The following PPHLN1 variants were observed in gnomAD, a reference collection of about 807,000 sequenced individuals.
PPHLN1 encodes the protein periphilin-1.
Under a neutral mutation model 51.3 loss-of-function variants are expected in PPHLN1, and 29 were observed. That is an observed-to-expected ratio of 0.57 (90% CI 0.42 to 0.77). The LOEUF (loss-of-function observed/expected upper bound fraction) is 0.77, where lower values mean the gene tolerates loss of function less well. Among genes scored for constraint, PPHLN1 ranks in the 30% least tolerant of loss-of-function variants. The probability of loss-of-function intolerance (pLI) is 0.00; values close to 1 mark genes in which losing one functional copy is unlikely to be tolerated. For synonymous variants in PPHLN1, 147 were observed against 147.8 expected (o/e 0.99, Z 0.04); for missense variants, 436 against 438.4 (o/e 0.99, Z 0.05).
intron 5 of PPHLN1, among the ~76,000 whole-genome samples, chr12:42,381,365 T>G (rs927226119): frequency 6.6e-6 from 1 of 152,218 alleles, no homozygotes; most frequent in Admixed American, 6.5e-5. Context: ...ACTTAGTATA[T>G]TCTGTCAGTA....
chr12:42,338,784 C>T (rs1010643048), intron 2 of PPHLN1, among the ~76,000 whole-genome samples: 14 of 152,064 alleles, frequency 9.2e-5, no homozygotes, highest in Admixed American at 7.9e-4. Flanking sequence ...GTATGGGCCC[C>T]GTCTTAGATA....
At chr12:42,351,068 C>G (rs1201608945) in intron 2 of PPHLN1, among the ~76,000 whole-genome samples, 1 of 151,682 alleles carries the variant, frequency 6.6e-6, no homozygotes, top group Non-Finnish European at 1.5e-5. Flanking sequence ...TCATATTGAT[C>G]TTATGTTATA....
In PPHLN1 at chr12:42,335,997, A is replaced by G. The variant is rs751398967; in HGVS notation, c.72+23A>G. 2.7e-5 allele frequency: 39 copies of G among 1,458,380 alleles called. No individual in the cohort carries two copies. The South Asian group carries it at 5.0e-4, about 19-fold the overall frequency. 90.3% of individuals were successfully genotyped at this position (1,458,380 alleles called of 1,614,324 possible). ...AGTGTAAGTTACTCCTACATATTGA[A>G]TGATTCAAAAACCTGGTGTCTGAAT... is the stretch of plus-strand genomic sequence containing the variant. On this transcript the variant is annotated intron_variant, in intron 2 of 9. Transcript: ENST00000358314.
rs17091132 is a variant in PPHLN1 at position 42,377,758 on chromosome 12, A to G, written c.511+2684A>G. Among the ~76,000 whole-genome samples the G allele has an allele frequency of 7.5e-3, 1,137 of 151,938 alleles. 38 individuals carry two copies. The East Asian group carries it at 0.11, about 14-fold the overall frequency. ...TGAGGTTCTTACTTGAAAGCTTGTA[A>G]TGAAGTTATTAAAGATAGTTATTAG... On this transcript the variant is annotated intron_variant, in intron 5 of 9. Transcript: ENST00000358314.
In PPHLN1 at chr12:42,402,950, T is replaced by A. The variant is rs372008533; in HGVS notation, c.909+3956T>A. Among the ~76,000 whole-genome samples the A allele has an allele frequency of 1.8e-4, 27 of 152,336 alleles. No homozygotes were observed. The East Asian group carries it at 3.9e-3, about 22-fold the overall frequency. The stretch of plus-strand genomic sequence containing the variant: ...CTCTTGCTGTTTCTCATATATAATC[T>A]GTTTTTGTTTTACATTTAAAGAGGC... On this transcript the variant is annotated intron_variant, in intron 9 of 9. Coordinates refer to ENST00000358314, the MANE Select transcript of PPHLN1 (RefSeq NM_201439.2).
At chr12:42,347,598 G>A (rs1056846803) in intron 2 of PPHLN1, among the ~76,000 whole-genome samples, 6 of 152,144 alleles carry the variant, frequency 3.9e-5, no homozygotes, top group Admixed American at 6.6e-5. Flanking sequence ...TGACCAGTAC[G>A]GTGAAATCCT....
At position 42,383,359 on chromosome 12, in the gene PPHLN1, G is replaced by C. The variant is rs145585628; in HGVS notation, c.512-1581G>C. Reference sequence around the variant, plus strand: ...CACTCTCAGGAGCTAATATGAATTGGCCTAAGGCTCCAGTAGCTTTCTCTG... The same window carrying C: ...CACTCTCAGGAGCTAATATGAATTGCCCTAAGGCTCCAGTAGCTTTCTCTG... On this transcript the variant is annotated intron_variant, in intron 5 of 9. Transcript: ENST00000358314. Among the ~76,000 whole-genome samples the C allele has an allele frequency of 1.7e-4, 26 of 152,268 alleles. No individual in the cohort carries two copies. The East Asian group carries it at 4.0e-3, about 24-fold the overall frequency.
intron 4 of PPHLN1, among the ~76,000 whole-genome samples, chr12:42,372,631 C>A (rs1003102916): frequency 6.6e-6 from 1 of 152,078 alleles, no homozygotes; most frequent in Non-Finnish European, 1.5e-5. Flanking sequence ...GTTTTTTTAG[C>A]CCCACGTTCT....
chr12:42,437,134 C>A (rs751269192), intron 9 of PPHLN1, among the ~76,000 whole-genome samples: 3 of 152,228 alleles, frequency 2.0e-5, no homozygotes, highest in Admixed American at 1.3e-4. Context: ...GATGTCTAAG[C>A]TCCTTGAAGG....
chr12:42,428,816 ACTT>A lies in PPHLN1; in HGVS notation c.910-12495_910-12493del, dbSNP rs774943286. On this transcript the variant is annotated intron_variant, in intron 9 of 9. Transcript: ENST00000358314. ...AAAAAAAATGAAGTTTGCCTTTTTA[ACTT>A]CTTTTTTTTTTTTTTTTTAACTTAA... Among the ~76,000 whole-genome samples the A allele has an allele frequency of 6.6e-3, 907 of 136,484 alleles. 6 individuals are homozygous for A. The highest frequency in any genetic ancestry group is 7.2e-3 in the Admixed American group (96 of 13,252). 89.5% of individuals were successfully genotyped at this position (136,484 alleles called of 152,430 possible).
chr12:42,352,143 G>A, intron 3 of PPHLN1, 94 bp downstream of exon 3: 1 of 1,118,580 alleles, frequency 8.9e-7, no homozygotes, highest in Non-Finnish European at 1.2e-6. Context: ...GAAAGCAGTT[G>A]AATAAACACT....
chr12:42,331,936 C>T (rs2069806942), intron 1 of PPHLN1: 1 of 152,206 alleles, frequency 6.6e-6, no homozygotes, highest in Non-Finnish European at 1.5e-5. Flanking sequence ...ATATCATAAA[C>T]AACATATGCC....
At chr12:42,391,637 A>AG (rs2077723363) in intron 7 of PPHLN1, among the ~76,000 whole-genome samples, 1 of 152,100 alleles carries the variant, frequency 6.6e-6, no homozygotes, top group Non-Finnish European at 1.5e-5. Context: ...GGAAAAAAAA[A>AG]CAACTTTCTT....
intron 9 of PPHLN1, among the ~76,000 whole-genome samples, chr12:42,404,689 T>C (rs1424136688): frequency 1.3e-5 from 2 of 152,182 alleles, no homozygotes. Flanking sequence ...TTTCCCCACC[T>C]CCTTCCTAAT....
intron 9 of PPHLN1, among the ~76,000 whole-genome samples, chr12:42,423,676 C>CA (rs898294840): frequency 7.1e-6 from 1 of 140,358 alleles, no homozygotes; most frequent in Non-Finnish European, 1.6e-5. Flanking sequence ...TTTTAACATG[C>CA]AAATTTTTTT....
chr12:42,395,059 C>A (rs1181522538), intron 8 of PPHLN1, among the ~76,000 whole-genome samples: 3 of 152,070 alleles, frequency 2.0e-5, no homozygotes, highest in African/African-American at 4.8e-5. Flanking sequence ...TAAAAGCTCA[C>A]TACTGTTCTC....
At chr12:42,417,232 A>G in intron 9 of PPHLN1, among the ~76,000 whole-genome samples, 1 of 152,230 alleles carries the variant, frequency 6.6e-6, no homozygotes, top group East Asian at 1.9e-4. Flanking sequence ...CTGAAGAGGA[A>G]AAACAGAATA....
At chr12:42,339,782 T>C (rs1050426504) in intron 2 of PPHLN1, among the ~76,000 whole-genome samples, 19 of 152,330 alleles carry the variant, frequency 1.2e-4, no homozygotes, top group African/African-American at 2.9e-4. Flanking sequence ...TTACAAATGA[T>C]ATTTTGCAAT....
At chr12:42,370,883 G>A (rs1388198375) in intron 4 of PPHLN1, among the ~76,000 whole-genome samples, 2 of 152,120 alleles carry the variant, frequency 1.3e-5, no homozygotes, top group African/African-American at 4.8e-5. Flanking sequence ...AGGCTGGAGT[G>A]CAATCTCTGC....
Sources: allele counts gnomAD v4.1 joint callset (sites outside exome capture counted in the v4.1 genomes callset), GRCh38; gene constraint gnomAD v4.1.1; transcripts MANE v1.5; gene names NCBI Gene and HGNC (gene_info 2026-07-23, HGNC 2026-07-21).